PCDHGA6: variants seen among roughly 807,000 people sequenced by gnomAD.
The protein encoded by PCDHGA6 is protocadherin gamma-A6.
PCDHGA6 carries 41 observed loss-of-function variants against 60.6 expected under a neutral mutation model. The ratio of observed to expected loss-of-function variants is 0.68; its 90% CI spans 0.53 to 0.88. The LOEUF (loss-of-function observed/expected upper bound fraction) is 0.88, where lower values mean the gene tolerates loss of function less well. PCDHGA6 is among the 40% of genes least tolerant of loss of function. The pLI, the probability that PCDHGA6 is intolerant of heterozygous loss-of-function variation, is 0.00. For synonymous variants in PCDHGA6, 594 were observed against 524.4 expected (o/e 1.13, Z -1.81); for missense variants, 1,312 against 1,203.0 (o/e 1.09, Z -1.34).
chr5:141,496,923 C>T (rs963522127), intron 2 of PCDHGA6, among the ~76,000 whole-genome samples: 9 of 150,728 alleles, frequency 6.0e-5, no homozygotes, highest in East Asian at 1.9e-4. Context: ...CTGTGGTTCA[C>T]GCCTGTAATC....
chr5:141,497,832 G>C (rs1326640712), intron 2 of PCDHGA6, among the ~76,000 whole-genome samples: 1 of 151,992 alleles, frequency 6.6e-6, no homozygotes, highest in East Asian at 1.9e-4. Context: ...GATCGCCCCC[G>C]GCCACAACAA....
At chr5:141,380,282 T>C (rs1263967352) in intron 1 of PCDHGA6, among the ~76,000 whole-genome samples, 3 of 152,306 alleles carry the variant, frequency 2.0e-5, no homozygotes, top group Admixed American at 6.5e-5. Flanking sequence ...AGGAGAAACA[T>C]TGGAAGATAC....
chr5:141,454,796 A>ATTTTTTTTTTTTTTTTTTTTTTTTTTTT (rs61612330), intron 1 of PCDHGA6, among the ~76,000 whole-genome samples: 3 of 77,456 alleles, frequency 3.9e-5, no homozygotes, highest in Admixed American at 1.8e-4. Flanking sequence ...CATGGTTCTA[A>ATTTTTTTTTTTTTTTTTTTTTTTTTTTT]TTTTTTTTTT....
chr5:141,383,072 AG>A lies in PCDHGA6; in HGVS notation c.2424+6566del, dbSNP rs747790551. ...AAGGACCTGGGGCTGGAGCCCCGGG[AG>A]CTGGCGGAGCGCGGAGTCCGCATCA... On this transcript the variant is annotated intron_variant, in intron 1 of 3. Transcript: ENST00000517434. The A allele has an allele frequency of 4.3e-6, 7 of 1,613,710 alleles. No homozygotes were observed. In the African/African-American group the frequency reaches 6.7e-5, roughly 15 times the overall value.
At chr5:141,414,099 A>G in intron 1 of PCDHGA6, 1 of 1,593,504 alleles carries the variant, frequency 6.3e-7, no homozygotes, top group Non-Finnish European at 8.5e-7. Flanking sequence ...TAAAAATATC[A>G]GAAAATCTAG....
intron 1 of PCDHGA6, among the ~76,000 whole-genome samples, chr5:141,407,446 C>T (rs1314408901): frequency 6.7e-6 from 1 of 149,410 alleles, no homozygotes. Context: ...AACCAGAACA[C>T]GAGGCTCACC....
chr5:141,393,073 C>T, intron 1 of PCDHGA6: 1 of 1,613,658 alleles, frequency 6.2e-7, no homozygotes. Context: ...TTGATCACCG[C>T]GGGCAGGATA....
At chr5:141,458,727 A>G (rs1424554234) in intron 1 of PCDHGA6, among the ~76,000 whole-genome samples, 1 of 151,570 alleles carries the variant, frequency 6.6e-6, no homozygotes, top group East Asian at 1.9e-4. Flanking sequence ...TCGCCACCAC[A>G]TCCAGCTATT....
chr5:141,388,706 T>C (rs1189291267), intron 1 of PCDHGA6: 2 of 1,613,856 alleles, frequency 1.2e-6, no homozygotes, highest in African/African-American at 2.7e-5. Flanking sequence ...AGGGTGTCAA[T>C]GCCGAGATTA....
chr5:141,427,028 C>T (rs960885416), intron 1 of PCDHGA6: 12 of 456,928 alleles, frequency 2.6e-5, no homozygotes, highest in Admixed American at 2.1e-4. Flanking sequence ...ACAAAGTCAG[C>T]CTTAGAGAGA....
At chr5:141,426,986 C>A (rs764345099) in intron 1 of PCDHGA6, 6 of 456,618 alleles carry the variant, frequency 1.3e-5, no homozygotes, top group Non-Finnish European at 2.2e-5. Flanking sequence ...CTGATGCCAA[C>A]GATAATGCCC....
chr5:141,374,058 C>T lies in PCDHGA6; in HGVS notation c.-26C>T. 6.7e-7 allele frequency: 1 copy of T among 1,487,942 alleles called. No individual in the cohort carries two copies. Among genetic ancestry groups the T allele is most frequent in the Non-Finnish European group, 8.9e-7 (1 of 1,120,054 alleles). The allele number at this position is 1,487,942 out of a possible 1,614,324, so 92.2% of individuals were successfully genotyped here. A position where few individuals can be genotyped will look rare whatever the true frequency, so the allele number is the denominator to read the frequency against. On this transcript the variant is annotated 5_prime_UTR_variant, in exon 1 of 4. Transcript: ENST00000517434. ...AGATCTGTTCTTCCTCTTCTTAATC[C>T]CAGAGAAGTTCCTAATAAGCCAGTA...
In PCDHGA6 at chr5:141,400,299, A is replaced by G. The variant is rs374558900; in HGVS notation, c.2424+23792A>G. The G allele has an allele frequency of 9.8e-5, 158 of 1,613,834 alleles. 1 individual carries two copies. In the East Asian group the frequency reaches 1.2e-3, roughly 12 times the overall value. ...GCCCTGCCGCCTGGAGCTGCTTCCAACCTGGTCTCTGTGTCAAGTCTGGAC... is the reference window on the plus strand; with the variant it reads ...GCCCTGCCGCCTGGAGCTGCTTCCAGCCTGGTCTCTGTGTCAAGTCTGGAC... On this transcript the variant is annotated intron_variant, in intron 1 of 3. Coordinates refer to ENST00000517434, the MANE Select transcript of PCDHGA6 (RefSeq NM_018919.3).
chr5:141,389,656 C>A (rs763730959), intron 1 of PCDHGA6: 18 of 1,612,420 alleles, frequency 1.1e-5, no homozygotes, highest in South Asian at 1.1e-5. Flanking sequence ...AAGGTAGTGG[C>A]GGTGGACGCA....
chr5:141,404,585 A>G (rs541341061), intron 1 of PCDHGA6: 2 of 1,614,006 alleles, frequency 1.2e-6, no homozygotes, highest in East Asian at 2.2e-5. Context: ...ACTTAGCAGC[A>G]ATGTGTCATT....
chr5:141,429,169 T>TACGC (rs2097190400), intron 1 of PCDHGA6: 1 of 145,394 alleles, frequency 6.9e-6, no homozygotes, highest in Non-Finnish European at 1.5e-5. Flanking sequence ...ACATTGTTTA[T>TACGC]ACACACACAC....
intron 1 of PCDHGA6, chr5:141,418,595 G>T (rs1331897624): frequency 5.6e-6 from 9 of 1,613,928 alleles, no homozygotes; most frequent in Non-Finnish European, 7.6e-6. Flanking sequence ...CAGCCAGGAC[G>T]TGTACAGGGT....
chr5:141,422,275 A>G (rs367711513), intron 1 of PCDHGA6: 6 of 1,560,374 alleles, frequency 3.8e-6, no homozygotes, highest in East Asian at 2.2e-5. Flanking sequence ...AGAAATAACT[A>G]TCACCTCTTC....
intron 1 of PCDHGA6, chr5:141,402,812 C>T: frequency 8.0e-7 from 1 of 1,243,800 alleles, no homozygotes; most frequent in East Asian, 2.6e-5. Flanking sequence ...GCAGATACCA[C>T]AAACCTGCTC....
Sources: gnomAD v4.1 joint callset for allele counts (sites outside exome capture counted in the v4.1 genomes callset) on GRCh38, gnomAD v4.1.1 for gene constraint, MANE v1.5 for transcripts, NCBI Gene and HGNC (gene_info 2026-07-23, HGNC 2026-07-21) for gene names.